The following ARHGAP15 variants were observed in gnomAD, a reference collection of about 807,000 sequenced individuals.
ARHGAP15 encodes rho GTPase-activating protein 15.
A neutral mutation model predicts 63.7 loss-of-function variants in ARHGAP15; 51 were observed. The ratio of observed to expected loss-of-function variants is 0.80; its 90% CI spans 0.64 to 1.01. ARHGAP15 has a LOEUF of 1.01. Among genes scored for constraint, ARHGAP15 ranks in the 50% least tolerant of loss-of-function variants. The pLI is 0.00. For synonymous variants in ARHGAP15, 191 were observed against 193.8 expected, an observed-to-expected ratio of 0.99 and a Z score of 0.12; for missense variants, 560 against 564.6, an observed-to-expected ratio of 0.99 and a Z score of 0.08.
chr2:143,508,285 C>T (rs757730246), intron 9 of ARHGAP15, among the ~76,000 whole-genome samples: 10 of 152,218 alleles, frequency 6.6e-5, no homozygotes, highest in South Asian at 2.1e-4. Context: ...ATGGCTCAGT[C>T]GGTCACTTCA....
chr2:143,368,997 C>G (rs1159424733), intron 6 of ARHGAP15, among the ~76,000 whole-genome samples: 1 of 152,026 alleles, frequency 6.6e-6, no homozygotes, highest in Non-Finnish European at 1.5e-5. Flanking sequence ...ATGATACTTT[C>G]TTTATTGCAT....
At chr2:143,660,867 T>C (rs962070485) in intron 12 of ARHGAP15, among the ~76,000 whole-genome samples, 6 of 152,234 alleles carry the variant, frequency 3.9e-5, no homozygotes, top group African/African-American at 1.4e-4. Context: ...AGTTTTCTAT[T>C]GCTGTTGTAA....
intron 6 of ARHGAP15, among the ~76,000 whole-genome samples, chr2:143,312,430 C>G (rs1262135465): frequency 6.6e-6 from 1 of 151,146 alleles, no homozygotes; most frequent in Non-Finnish European, 1.5e-5. Context: ...CTTTAGTTAA[C>G]TTTCTATATT....
chr2:143,421,549 G>A (rs1472038975), intron 6 of ARHGAP15, among the ~76,000 whole-genome samples: 1 of 151,872 alleles, frequency 6.6e-6, no homozygotes, highest in East Asian at 1.9e-4. Flanking sequence ...CTAGGCCAGA[G>A]TTTTTCAAAT....
chr2:143,440,936 A>G (rs1306856435), intron 8 of ARHGAP15, among the ~76,000 whole-genome samples: 2 of 152,184 alleles, frequency 1.3e-5, no homozygotes, highest in Non-Finnish European at 2.9e-5. Context: ...CCCAAATATA[A>G]TAAATCTTGC....
At chr2:143,744,710 C>T (rs1395213134) in intron 13 of ARHGAP15, among the ~76,000 whole-genome samples, 1 of 152,154 alleles carries the variant, frequency 6.6e-6, no homozygotes, top group Non-Finnish European at 1.5e-5. Flanking sequence ...ACTTAACCAC[C>T]AACATTAGTA....
chr2:143,721,529 G>C (rs951295969), intron 13 of ARHGAP15, among the ~76,000 whole-genome samples: 3 of 152,168 alleles, frequency 2.0e-5, no homozygotes, highest in African/African-American at 4.8e-5. Context: ...GGACCTGCAA[G>C]AGCCAAAAGT....
At chr2:143,561,014 C>T (rs1358238629) in intron 11 of ARHGAP15, among the ~76,000 whole-genome samples, 1 of 152,198 alleles carries the variant, frequency 6.6e-6, no homozygotes, top group Non-Finnish European at 1.5e-5. Context: ...CAGCCTGCGA[C>T]ATTGCGTTGA....
intron 9 of ARHGAP15, among the ~76,000 whole-genome samples, chr2:143,512,395 C>T (rs1362117969): frequency 6.6e-6 from 1 of 152,154 alleles, no homozygotes; most frequent in Non-Finnish European, 1.5e-5. Context: ...GTCAACACTA[C>T]CCAAAACAAA....
rs537597149 is a variant in ARHGAP15, at chr2:143,424,583, C to T, written c.475-11018C>T. Among the ~76,000 whole-genome samples, 24 of 152,058 alleles carry T rather than the reference C, an allele frequency of 1.6e-4. No individual in the cohort carries two copies. In the East Asian group the frequency reaches 3.9e-3, roughly 25 times the overall value. On this transcript the variant is annotated intron_variant, in intron 6 of 13. Coordinates refer to ENST00000295095, the MANE Select transcript of ARHGAP15 (RefSeq NM_018460.4). ...ACTTTCCTTCCTCTGAATCTTTGTA[C>T]AAGCTTTTCCTTTCACCTGTGTTGT...
chr2:143,638,903 T>C (rs1680474358), intron 12 of ARHGAP15, among the ~76,000 whole-genome samples: 1 of 152,058 alleles, frequency 6.6e-6, no homozygotes, highest in Non-Finnish European at 1.5e-5. Flanking sequence ...AATTGCTATG[T>C]GTACATTTCA....
At chr2:143,176,301 T>C (rs1691007767) in intron 2 of ARHGAP15, among the ~76,000 whole-genome samples, 1 of 152,190 alleles carries the variant, frequency 6.6e-6, no homozygotes, top group Non-Finnish European at 1.5e-5. Context: ...CAGTTTTAGT[T>C]GCAGTTTTCA....
At chr2:143,642,748 G>A (rs1185483413) in intron 12 of ARHGAP15, among the ~76,000 whole-genome samples, 1 of 152,074 alleles carries the variant, frequency 6.6e-6, no homozygotes, top group Non-Finnish European at 1.5e-5. Flanking sequence ...GCAGTGTTTG[G>A]GAGGCCTTCA....
intron 12 of ARHGAP15, among the ~76,000 whole-genome samples, chr2:143,632,725 TC>T (rs1194991362): frequency 1.3e-5 from 2 of 152,164 alleles, no homozygotes; most frequent in Non-Finnish European, 2.9e-5. Flanking sequence ...TAATGGTTTT[TC>T]CCCCCATGGC....
chr2:143,623,938 A>G (rs1419686824), intron 11 of ARHGAP15, among the ~76,000 whole-genome samples, 195 bp from the exon 12 acceptor site: 1 of 152,184 alleles, frequency 6.6e-6, no homozygotes. Context: ...CTGCATTCCT[A>G]CAGATGGTAT....
At chr2:143,601,953 A>G (rs1194499476) in intron 11 of ARHGAP15, among the ~76,000 whole-genome samples, 3 of 152,218 alleles carry the variant, frequency 2.0e-5, no homozygotes, top group African/African-American at 4.8e-5. Flanking sequence ...ACAGTAAGGC[A>G]TTCATTAATC....
At chr2:143,421,722 T>C (rs1159451467) in intron 6 of ARHGAP15, among the ~76,000 whole-genome samples, 1 of 150,824 alleles carries the variant, frequency 6.6e-6, no homozygotes, top group African/African-American at 2.4e-5. Flanking sequence ...TTTGTTTCAA[T>C]TATATGATAT....
At position 143,137,048 on chromosome 2, in the gene ARHGAP15, A is replaced by G. The variant is rs534566171; in HGVS notation, c.-15+7582A>G. ...GAGTGGCCATTTTAAGAGTTCAACCATGCAAACTCTTTTAATATAATATTC... is the reference window on the plus strand; with the variant it reads ...GAGTGGCCATTTTAAGAGTTCAACCGTGCAAACTCTTTTAATATAATATTC... On this transcript the variant is annotated intron_variant, in intron 1 of 13. Coordinates refer to ENST00000295095, the MANE Select transcript of ARHGAP15 (RefSeq NM_018460.4). Among the ~76,000 whole-genome samples the G allele has an allele frequency of 2.0e-5, 3 of 152,226 alleles. 1 individual carries two copies. Among genetic ancestry groups the G allele is most frequent in the South Asian group, 4.1e-4 (2 of 4,830 alleles).
At chr2:143,287,570 C>G (rs1682168120) in intron 6 of ARHGAP15, among the ~76,000 whole-genome samples, 1 of 151,990 alleles carries the variant, frequency 6.6e-6, no homozygotes, top group African/African-American at 2.4e-5. Context: ...CTTTGGGAGG[C>G]CGAGGCAGGT....
Sources: allele counts gnomAD v4.1 joint callset (sites outside exome capture counted in the v4.1 genomes callset), GRCh38; gene constraint gnomAD v4.1.1; transcripts MANE v1.5; gene names NCBI Gene and HGNC (gene_info 2026-07-23, HGNC 2026-07-21).